Variants in CDH18 observed in about 807,000 individuals in gnomAD.
CDH18 encodes cadherin-18.
Under a neutral mutation model 67.9 loss-of-function variants are expected in CDH18, and 31 were observed. That is an observed-to-expected ratio of 0.46 (90% CI 0.34 to 0.62). The LOEUF (loss-of-function observed/expected upper bound fraction) is 0.62, where lower values mean the gene tolerates loss of function less well. Among genes scored for constraint, CDH18 ranks in the 20% least tolerant of loss-of-function variants. The pLI, the probability that CDH18 is intolerant of heterozygous loss-of-function variation, is 0.01. For synonymous variants in CDH18, 362 were observed against 347.2 expected (o/e 1.04, Z -0.48); for missense variants, 890 against 975.5 (o/e 0.91, Z 1.17).
intron 5 of CDH18, among the ~76,000 whole-genome samples, chr5:19,637,026 C>T (rs530051304): frequency 4.1e-4 from 63 of 152,220 alleles, no homozygotes; most frequent in African/African-American, 1.5e-3. Flanking sequence ...ACTATCTGTG[C>T]CTTTCCTCTA....
Position 19,808,035 on chromosome 5 carries a change from A to T in CDH18, c.228+30724T>A, listed in dbSNP as rs1158743191. 2.0e-5 allele frequency among the ~76,000 whole-genome samples: 3 copies of T among 152,204 alleles called. No individual in the cohort carries two copies. In the East Asian group the frequency reaches 5.8e-4, roughly 29 times the overall value. ...ATAGTATTCAACCTTTGTCAAAATA[A>T]ACTCGATTATAGTCAAGCTAAAGCA... On this transcript the variant is annotated intron_variant, in intron 3 of 12. Coordinates refer to ENST00000382275, the MANE Select transcript of CDH18 (RefSeq NM_004934.5).
intron 3 of CDH18, among the ~76,000 whole-genome samples, chr5:19,782,200 C>G (rs1021486925): frequency 1.3e-5 from 2 of 152,068 alleles, no homozygotes; most frequent in African/African-American, 2.4e-5. Flanking sequence ...GACTCACAAT[C>G]ATGGTGGAAG....
At chr5:20,414,409 TAAAC>T (rs1235543039) in intron 1 of CDH18, among the ~76,000 whole-genome samples, 1 of 152,126 alleles carries the variant, frequency 6.6e-6, no homozygotes, top group Non-Finnish European at 1.5e-5. Flanking sequence ...AAGCGGGACC[TAAAC>T]AATGGCTATA....
rs150463836 is a variant in CDH18 at position 20,366,145 on chromosome 5, A to G, written c.-579-110640T>C. On this transcript the variant is annotated intron_variant, in intron 1 of 14. Coordinates refer to the CDH18 transcript ENST00000507958. The stretch of plus-strand genomic sequence containing the variant: ...GATTGATTATGTAAACTGAAATATT[A>G]TAGTCACCTCAAATTTATCATGTCC... Among the ~76,000 whole-genome samples the G allele has an allele frequency of 1.9e-3, 293 of 152,326 alleles. 3 individuals carry two copies. In the East Asian group the frequency reaches 0.028, roughly 14 times the overall value.
chr5:19,993,059 A>C (rs1440725692), upstream of CDH18, among the ~76,000 whole-genome samples: 2 of 152,182 alleles, frequency 1.3e-5, no homozygotes, highest in African/African-American at 4.8e-5. Context: ...TTAACACCAA[A>C]ATCATTCATG....
chr5:19,508,600 A>C, intron 10 of CDH18, among the ~76,000 whole-genome samples: 1 of 152,250 alleles, frequency 6.6e-6, no homozygotes, highest in East Asian at 1.9e-4. Flanking sequence ...TGCTATTTAT[A>C]AATAATTACC....
intron 1 of CDH18, among the ~76,000 whole-genome samples, chr5:20,271,946 G>GAGAGAA (rs1309811098): frequency 1.3e-5 from 2 of 151,362 alleles, no homozygotes; most frequent in African/African-American, 4.9e-5. Context: ...GAGAGAGAGA[G>GAGAGAA]AGAGATGTGA....
chr5:19,775,407 T>TCTGTGGATGCGGAATCTGTTA (rs1175893683), intron 3 of CDH18, among the ~76,000 whole-genome samples: 3 of 152,126 alleles, frequency 2.0e-5, no homozygotes, highest in Non-Finnish European at 2.9e-5. Context: ...GGAATCTGCT[T>TCTGTGGATGCGGAATCTGTTA]CTGTGGATGC....
intron 1 of CDH18, among the ~76,000 whole-genome samples, chr5:20,321,015 G>A (rs73056754): frequency 0.054 from 8,169 of 152,144 alleles, 696 homozygotes; most frequent in African/African-American, 0.18. Flanking sequence ...TTTTATGGAA[G>A]TCTCCACTTG....
At chr5:19,648,538 T>A (rs1359568835) in intron 5 of CDH18, among the ~76,000 whole-genome samples, 1 of 152,196 alleles carries the variant, frequency 6.6e-6, no homozygotes, top group Non-Finnish European at 1.5e-5. Context: ...GTTTTCAAAT[T>A]CAACTTTTGA....
rs555744198 is a variant in CDH18 at position 19,926,049 on chromosome 5, A to T, written c.-257+55011T>A. 3.3e-5 allele frequency among the ~76,000 whole-genome samples: 5 copies of T among 152,288 alleles called. No homozygotes were observed. In the East Asian group the frequency reaches 9.7e-4, roughly 29 times the overall value. ...TATTCATGACATATCAACTTTAAAA[A>T]TATTTTTACGGTACTTCTAAGCTAC... On this transcript the variant is annotated intron_variant, in intron 2 of 12. Coordinates refer to ENST00000382275, the MANE Select transcript of CDH18 (RefSeq NM_004934.5).
At chr5:19,831,181 T>C (rs1780986728) in intron 3 of CDH18, among the ~76,000 whole-genome samples, 1 of 151,988 alleles carries the variant, frequency 6.6e-6, no homozygotes. Context: ...AAAATAAAAC[T>C]ACATGTCTTT....
At chr5:19,602,090 C>A (rs191995417) in intron 6 of CDH18, among the ~76,000 whole-genome samples, 5 of 152,050 alleles carry the variant, frequency 3.3e-5, no homozygotes, top group Admixed American at 3.3e-4. Context: ...TACTGGAAAT[C>A]CTAGCCAGAG....
chr5:19,895,766 C>T (rs1789255173), intron 2 of CDH18, among the ~76,000 whole-genome samples: 1 of 152,118 alleles, frequency 6.6e-6, no homozygotes, highest in Non-Finnish European at 1.5e-5. Flanking sequence ...CCAAAGGTTA[C>T]ATATTAAATG....
At position 20,442,936 on chromosome 5, in the gene CDH18, G is replaced by A. The variant is rs529307252; in HGVS notation, c.-580+132526C>T. Reference sequence around the variant, plus strand: ...ATACAAAAGTATATCTTGGCCGGGCGCGGTGGCTCACGCCTGTAATCCCAG... The same window carrying A: ...ATACAAAAGTATATCTTGGCCGGGCACGGTGGCTCACGCCTGTAATCCCAG... On this transcript the variant is annotated intron_variant, in intron 1 of 14. Coordinates refer to the CDH18 transcript ENST00000507958. Among the ~76,000 whole-genome samples, 8 of 151,894 alleles carry A rather than the reference G, an allele frequency of 5.3e-5. No homozygotes were observed. In the East Asian group the frequency reaches 1.4e-3, roughly 26 times the overall value.
chr5:20,353,981 G>T (rs1741408867), intron 1 of CDH18, among the ~76,000 whole-genome samples: 1 of 152,148 alleles, frequency 6.6e-6, no homozygotes, highest in Non-Finnish European at 1.5e-5. Context: ...TCTTTTTAAG[G>T]AGAAGCACGT....
intron 1 of CDH18, among the ~76,000 whole-genome samples, chr5:20,538,642 C>A (rs991141789): frequency 2.0e-5 from 3 of 152,018 alleles, no homozygotes; most frequent in African/African-American, 7.2e-5. Context: ...CCATTAATCT[C>A]CACCAGATTC....
At chr5:20,259,522 C>G (rs1159049875) in intron 1 of CDH18, among the ~76,000 whole-genome samples, 1 of 152,170 alleles carries the variant, frequency 6.6e-6, no homozygotes, top group African/African-American at 2.4e-5. Flanking sequence ...TTATGACGAT[C>G]TACTTCCACT....
chr5:20,370,031 TTTA>T (rs1430740661), intron 1 of CDH18, among the ~76,000 whole-genome samples: 1 of 152,188 alleles, frequency 6.6e-6, no homozygotes, highest in Non-Finnish European at 1.5e-5. Flanking sequence ...AATTTCCATT[TTTA>T]TTAATATCTT....
Sources: gnomAD v4.1 joint callset for allele counts (sites outside exome capture counted in the v4.1 genomes callset) on GRCh38, gnomAD v4.1.1 for gene constraint, MANE v1.5 for transcripts, NCBI Gene and HGNC (gene_info 2026-07-23, HGNC 2026-07-21) for gene names.